The following ADAMTS2 variants were observed in gnomAD, a reference collection of about 807,000 sequenced individuals.
ADAMTS2 encodes ADAM metallopeptidase with thrombospondin type 1 motif 2.
A neutral mutation model predicts 123.0 loss-of-function variants in ADAMTS2; 50 were observed. That is an observed-to-expected ratio of 0.41 (90% confidence interval 0.32 to 0.51). The LOEUF is 0.51. Among genes scored for constraint, ADAMTS2 ranks in the 20% least tolerant of loss-of-function variants. The probability of loss-of-function intolerance (pLI) is 0.35; values close to 1 mark genes in which losing one functional copy is unlikely to be tolerated. For synonymous variants in ADAMTS2, 678 were observed against 695.4 expected (o/e 0.98, Z 0.39); for missense variants, 1,494 against 1,705.2 (o/e 0.88, Z 2.18).
chr5:179,240,804 T>G (rs780254888), intron 3 of ADAMTS2, among the ~76,000 whole-genome samples: 1 of 152,128 alleles, frequency 6.6e-6, no homozygotes, highest in Non-Finnish European at 1.5e-5. Flanking sequence ...GCGATGCCAA[T>G]AGACACACTG....
In ADAMTS2 at chr5:179,175,919, G is replaced by A. The variant is rs1156622953; in HGVS notation, c.975+5153C>T. 1.3e-5 allele frequency among the ~76,000 whole-genome samples: 2 copies of A among 151,758 alleles called. No homozygotes were observed. Among genetic ancestry groups the A allele is most frequent in the East Asian group, 3.9e-4 (2 of 5,118 alleles). ...ATCTGCTGAGCAAGAAGCTTCCGTGGAGAAAGTTTTCAGAGACCACCTGTA... is the reference window on the plus strand; with the variant it reads ...ATCTGCTGAGCAAGAAGCTTCCGTGAAGAAAGTTTTCAGAGACCACCTGTA... On this transcript the variant is annotated intron_variant, in intron 5 of 21. Transcript: ENST00000251582. The surrounding 1 kb of genome is among the most constrained non-coding windows in gnomAD (Gnocchi z 4.1).
At chr5:179,122,562 A>AGAG in intron 20 of ADAMTS2, 82 bp downstream of exon 20, 3 of 1,523,488 alleles carry the variant, frequency 2.0e-6, no homozygotes, top group Non-Finnish European at 2.7e-6. Context: ...GAAGAGCCAG[A>AGAG]TTTGCCTGAA....
chr5:179,139,423 G>C (rs1340060877), intron 11 of ADAMTS2, among the ~76,000 whole-genome samples: 1 of 152,122 alleles, frequency 6.6e-6, no homozygotes, highest in Non-Finnish European at 1.5e-5. Context: ...AGCTGAGCAT[G>C]GGGATGCAGC....
chr5:179,327,509 C>T (rs925950905), intron 2 of ADAMTS2, among the ~76,000 whole-genome samples: 1 of 152,184 alleles, frequency 6.6e-6, no homozygotes, highest in African/African-American at 2.4e-5. Flanking sequence ...TAACAGACCA[C>T]GAGGGACTGA....
intron 4 of ADAMTS2, among the ~76,000 whole-genome samples, chr5:179,186,829 G>C (rs1324971520): frequency 8.7e-6 from 1 of 114,600 alleles, no homozygotes; most frequent in African/African-American, 3.6e-5. Context: ...GGTCCCCCTC[G>C]TGTCCTCCCC....
intron 9 of ADAMTS2, among the ~76,000 whole-genome samples, chr5:179,152,798 C>T (rs1362291934): frequency 2.0e-5 from 3 of 152,114 alleles, no homozygotes; most frequent in East Asian, 1.9e-4. Context: ...CCATGAGAAT[C>T]GAGTCCACTG....
Position 179,111,428 on chromosome 5 carries a change from G to A in ADAMTS2, c.*2439C>T, listed in dbSNP as rs78886769. Reference sequence around the variant, plus strand: ...AGATTTGCGTCGTTTCTCAGAGCCCGGTGAACGTTGGCATTCCTTGGACAG... The same window carrying A: ...AGATTTGCGTCGTTTCTCAGAGCCCAGTGAACGTTGGCATTCCTTGGACAG... On this transcript the variant is annotated 3_prime_UTR_variant, in exon 22 of 22. Transcript: ENST00000251582. 6,201 of 152,380 alleles carry A rather than the reference G, an allele frequency of 0.041. 167 individuals are homozygous for A. Among genetic ancestry groups the A allele is most frequent in the Non-Finnish European group, 0.062 (4,220 of 68,074 alleles). The allele number at this position is 152,380 out of a possible 1,614,324, so 9.4% of individuals were successfully genotyped here.
At chr5:179,212,877 C>T (rs1026447108) in intron 3 of ADAMTS2, among the ~76,000 whole-genome samples, 1 of 152,062 alleles carries the variant, frequency 6.6e-6, no homozygotes, top group African/African-American at 2.4e-5. Flanking sequence ...CTGTGCGAAG[C>T]TCAGTCCTAT....
Position 179,117,414 on chromosome 5 carries a change from C to T in ADAMTS2, c.3179-3090G>A, listed in dbSNP as rs1245326081. 6.6e-6 allele frequency among the ~76,000 whole-genome samples: 1 copy of T among 152,224 alleles called. No individual in the cohort carries two copies. The highest frequency in any genetic ancestry group is 1.5e-5 in the Non-Finnish European group (1 of 68,040). On this transcript the variant is annotated intron_variant, in intron 21 of 21. Transcript: ENST00000251582. This position sits in a 1 kb window ranked among gnomAD's most constrained non-coding sequence, Gnocchi z 4.2. ...CATCTCCACTCCCTCACTGTCTCCCCCACCAGGCTGGGATCCCTGAAAAGC... is the reference window on the plus strand; with the variant it reads ...CATCTCCACTCCCTCACTGTCTCCCTCACCAGGCTGGGATCCCTGAAAAGC...
intron 2 of ADAMTS2, among the ~76,000 whole-genome samples, chr5:179,288,486 G>C (rs1756090500): frequency 6.6e-6 from 1 of 152,248 alleles, no homozygotes; most frequent in Non-Finnish European, 1.5e-5. Context: ...CTGCTCTGCA[G>C]GCCTTCAGAC....
chr5:179,150,531 C>A (rs1318434776), intron 10 of ADAMTS2, among the ~76,000 whole-genome samples: 1 of 152,136 alleles, frequency 6.6e-6, no homozygotes, highest in Non-Finnish European at 1.5e-5. Flanking sequence ...AATGTCCCTC[C>A]GTGGAGAAAC....
intron 2 of ADAMTS2, among the ~76,000 whole-genome samples, chr5:179,291,450 A>C (rs1756186776): frequency 6.6e-6 from 1 of 152,130 alleles, no homozygotes; most frequent in African/African-American, 2.4e-5. Flanking sequence ...GTTGCCCTGC[A>C]ATGCCACGAC....
chr5:179,192,778 G>C (rs534077420), intron 4 of ADAMTS2, among the ~76,000 whole-genome samples: 1 of 152,294 alleles, frequency 6.6e-6, no homozygotes, highest in Non-Finnish European at 1.5e-5. Context: ...ATGCTGCCTC[G>C]GGTGCTGTCC....
intron 10 of ADAMTS2, among the ~76,000 whole-genome samples, chr5:179,150,556 T>C (rs572436205): frequency 6.0e-4 from 91 of 152,212 alleles, no homozygotes; most frequent in African/African-American, 2.2e-3. Context: ...ACACCAAATG[T>C]GGCACACCCA....
chr5:179,122,441 G>A (rs1364470779), intron 20 of ADAMTS2, among the ~76,000 whole-genome samples: 3 of 152,140 alleles, frequency 2.0e-5, no homozygotes, highest in Admixed American at 6.5e-5. Flanking sequence ...AGGGAGGGGC[G>A]AGTCAGCTCC....
intron 4 of ADAMTS2, among the ~76,000 whole-genome samples, chr5:179,195,652 C>A (rs1437709704): frequency 6.6e-6 from 1 of 152,244 alleles, no homozygotes; most frequent in Non-Finnish European, 1.5e-5. Flanking sequence ...CAGCCTTCAG[C>A]CACCTGGGCC....
intron 2 of ADAMTS2, among the ~76,000 whole-genome samples, chr5:179,299,247 TG>T (rs1756430145): frequency 6.6e-6 from 1 of 150,800 alleles, no homozygotes; most frequent in Non-Finnish European, 1.5e-5. Context: ...AACACAAATT[TG>T]TCCAGGCGCG....
chr5:179,158,683 C>T lies in ADAMTS2; in HGVS notation c.1132+40G>A. ...CCTTGCATGGCCAGGGGCTCATTTC[C>T]AGCTTCACGCCTCTGTGGCCCTGCA... On this transcript the variant is annotated intron_variant, in intron 6 of 21. Coordinates refer to ENST00000251582, the MANE Select transcript of ADAMTS2 (RefSeq NM_014244.5). This position sits in a 1 kb window ranked among gnomAD's most constrained non-coding sequence, Gnocchi z 5.0. 3.1e-6 allele frequency: 5 copies of T among 1,613,668 alleles called. No homozygotes were observed. In the South Asian group the frequency reaches 5.5e-5, roughly 18 times the overall value.
chr5:179,322,938 G>C (rs1757227170), intron 2 of ADAMTS2, among the ~76,000 whole-genome samples: 1 of 152,258 alleles, frequency 6.6e-6, no homozygotes. Context: ...AGCACGGTGT[G>C]GAAGCAGGGC....
Sources: gnomAD v4.1 joint callset for allele counts (sites outside exome capture counted in the v4.1 genomes callset) on GRCh38, gnomAD v4.1.1 for gene constraint, Gnocchi (gnomAD v3.1) non-coding constraint, MANE v1.5 for transcripts, NCBI Gene and HGNC (gene_info 2026-07-23, HGNC 2026-07-21) for gene names.